Variants in LIMCH1 observed in about 807,000 individuals in gnomAD.
The protein encoded by LIMCH1 is LIM and calponin homology domains 1, also known as LIM and calponin homology domains-containing protein 1.
LIMCH1 carries 113 observed loss-of-function variants against 176.5 expected under a neutral mutation model. That is an observed-to-expected ratio of 0.64 (90% CI 0.55 to 0.75). The LOEUF (loss-of-function observed/expected upper bound fraction) is 0.75. Ranked by LOEUF, LIMCH1 falls within the 30% of genes least tolerant of loss-of-function variation. The probability of loss-of-function intolerance (pLI) is 0.00; values close to 1 mark genes in which losing one functional copy is unlikely to be tolerated. For synonymous variants in LIMCH1, 619 were observed against 645.9 expected (o/e 0.96, Z 0.63); for missense variants, 1,674 against 1,814.9 (o/e 0.92, Z 1.41).
chr4:41,664,037 C>A (rs1585552225), intron 20 of LIMCH1, among the ~76,000 whole-genome samples: 1 of 152,028 alleles, frequency 6.6e-6, no homozygotes, highest in East Asian at 1.9e-4. Context: ...TAGACCCCAT[C>A]TCAAAAACAA....
chr4:41,489,788 G>A (rs1227219961), intron 1 of LIMCH1, among the ~76,000 whole-genome samples: 2 of 151,788 alleles, frequency 1.3e-5, no homozygotes, highest in Non-Finnish European at 2.9e-5. Context: ...AACAATGCAA[G>A]GTTCAGAGCA....
intron 1 of LIMCH1, among the ~76,000 whole-genome samples, chr4:41,399,389 T>C (rs543365295): frequency 2.0e-4 from 31 of 152,190 alleles, no homozygotes; most frequent in Non-Finnish European, 4.4e-4. Context: ...CCTGAGGGAA[T>C]CTGGGAAGTA....
intron 7 of LIMCH1, among the ~76,000 whole-genome samples, chr4:41,623,317 CTTG>C (rs1344369307): frequency 1.4e-4 from 21 of 152,192 alleles, no homozygotes; most frequent in African/African-American, 5.1e-4. Flanking sequence ...AAGAGGACCA[CTTG>C]TTGTGGCCCA....
At chr4:41,450,383 G>T (rs1462058904) in intron 1 of LIMCH1, among the ~76,000 whole-genome samples, 1 of 152,114 alleles carries the variant, frequency 6.6e-6, no homozygotes, top group Non-Finnish European at 1.5e-5. Context: ...CATTAGGGAA[G>T]GTAAGAGAAT....
At chr4:41,470,117 CCTTA>C (rs1190618875) in intron 1 of LIMCH1, among the ~76,000 whole-genome samples, 1 of 152,180 alleles carries the variant, frequency 6.6e-6, no homozygotes, top group Non-Finnish European at 1.5e-5. Context: ...AATGGGCACC[CCTTA>C]CTTACCCACT....
At chr4:41,535,275 T>C (rs2077781593), upstream of LIMCH1, among the ~76,000 whole-genome samples, 1 of 152,076 alleles carries the variant, frequency 6.6e-6, no homozygotes, top group African/African-American at 2.4e-5. Flanking sequence ...CTTATACCCC[T>C]GATATTTCAT....
rs187561489 is a variant in LIMCH1, at chr4:41,449,646, C to A, written c.97-44890C>A. Among the ~76,000 whole-genome samples, 5 of 152,174 alleles carry A rather than the reference C, an allele frequency of 3.3e-5. No homozygotes were observed. The East Asian group carries it at 9.7e-4, about 29-fold the overall frequency. On this transcript the variant is annotated intron_variant, in intron 1 of 26. Transcript: ENST00000313860. The stretch of plus-strand genomic sequence containing the variant: ...TAGAATGTCGATGCCACTTTTTGGT[C>A]ATAGTTAAAAAAATCCAGAAAAATG...
rs180874766 is a variant in LIMCH1, at chr4:41,384,378, T to G, written c.96+23442T>G. ...TGCCACCACGCCGGGCTATTTTTTT[T>G]TTTTTATTTTTAGTAGAGACGGGGT... On this transcript the variant is annotated intron_variant, in intron 1 of 26. Transcript: ENST00000313860. Among the ~76,000 whole-genome samples the G allele has an allele frequency of 6.7e-4, 102 of 152,102 alleles. 1 individual carries two copies. The highest frequency in any genetic ancestry group is 2.4e-3 in the African/African-American group (99 of 41,486).
chr4:41,695,928 G>A (rs1730311587), intron 31 of LIMCH1, among the ~76,000 whole-genome samples: 1 of 152,072 alleles, frequency 6.6e-6, no homozygotes, highest in Admixed American at 6.6e-5. Context: ...AAAAAAAAAG[G>A]CTAAAAACCA....
intron 5 of LIMCH1, among the ~76,000 whole-genome samples, chr4:41,617,318 C>G (rs2152812042): frequency 6.6e-6 from 1 of 152,214 alleles, no homozygotes; most frequent in Non-Finnish European, 1.5e-5. Context: ...CTTTGGGAGT[C>G]AAGAGAACAG....
At chr4:41,679,937 TA>T (rs1714280635) in intron 23 of LIMCH1, 68 bp from the exon 24 acceptor site, 1 of 982,204 alleles carries the variant, frequency 1.0e-6, no homozygotes, top group Non-Finnish European at 1.6e-6. Flanking sequence ...CATGGTGGTT[TA>T]GGGGGGAAAA....
intron 1 of LIMCH1, among the ~76,000 whole-genome samples, chr4:41,479,841 A>G (rs2068296098): frequency 6.6e-6 from 1 of 152,154 alleles, no homozygotes; most frequent in Admixed American, 6.5e-5. Context: ...TTTAACCCAG[A>G]TAATGTGTAT....
At chr4:41,535,436 C>T (rs1468775618), upstream of LIMCH1, among the ~76,000 whole-genome samples, 1 of 152,108 alleles carries the variant, frequency 6.6e-6, no homozygotes, top group African/African-American at 2.4e-5. Context: ...TGTTCTAAGG[C>T]CTGTCTCCTT....
intron 2 of LIMCH1, among the ~76,000 whole-genome samples, chr4:41,504,324 G>T (rs2073858407): frequency 6.6e-6 from 1 of 152,148 alleles, no homozygotes; most frequent in South Asian, 2.1e-4. Flanking sequence ...CTTCCAGGAG[G>T]TCTAGGGGAG....
chr4:41,618,904 A>G (rs2092347026), intron 5 of LIMCH1, among the ~76,000 whole-genome samples: 1 of 152,168 alleles, frequency 6.6e-6, no homozygotes, highest in South Asian at 2.1e-4. Flanking sequence ...ATAAAATCCT[A>G]TTGCAGATGT....
At position 41,629,655 on chromosome 4, in the gene LIMCH1, C is replaced by A. The variant is rs972275021; in HGVS notation, c.1192C>A (p.Pro398Thr). The A allele has an allele frequency of 2.0e-5, 31 of 1,536,064 alleles. No individual in the cohort carries two copies. Among genetic ancestry groups the A allele is most frequent in the Middle Eastern group, 3.3e-4 (2 of 5,990 alleles). Residue 398 changes from proline (P) to threonine (T), a missense_variant, in exon 9 of 32, where the codon CCG becomes ACG. By Grantham distance (38) the Pro-to-Thr change is conservative. Around this residue, in one of 3 missense-constraint regions of LIMCH1, gnomAD observed 655 missense variants for 692.2 expected, o/e 0.95. Coordinates refer to ENST00000503057, the MANE Select transcript of LIMCH1 (RefSeq NM_001330672.2). Reference protein sequence around the residue: ...QGSLAPHREPPSFITLSNITE... With the variant: ...QGSLAPHREPTSFITLSNITE... The stretch of plus-strand genomic sequence containing the variant: ...CAGCCTTGCCCCTCACCGCGAGCCC[C>A]CGAGCTTCATTACGCTCTCCAACAT...
At chr4:41,685,542 A>C (rs987328096) in intron 27 of LIMCH1, among the ~76,000 whole-genome samples, 168 bp from the exon 28 acceptor site, 2 of 152,194 alleles carry the variant, frequency 1.3e-5, no homozygotes, top group Admixed American at 1.3e-4. Flanking sequence ...TCCAAAACTA[A>C]ATCATGATGC....
chr4:41,538,169 G>C lies in LIMCH1; in HGVS notation c.-422G>C. 1.0e-6 allele frequency: 1 copy of C among 985,558 alleles called. No individual in the cohort carries two copies. 61.1% of individuals were successfully genotyped at this position (985,558 alleles called of 1,614,324 possible). A position where few individuals can be genotyped will look rare whatever the true frequency, so the allele number is the denominator to read the frequency against. On this transcript the variant is annotated 5_prime_UTR_variant, in exon 1 of 32. Transcript: ENST00000503057. ...CTTTCACTGCATCAGCATTTCAGCC[G>C]CAGCAGCCTGCTTGTGGACAGAGCA...
intron 22 of LIMCH1, 46 bp from the exon 23 acceptor site, chr4:41,676,336 T>G: frequency 6.6e-7 from 1 of 1,520,108 alleles, no homozygotes; most frequent in Non-Finnish European, 9.1e-7. Context: ...GCCTGTCCCT[T>G]GAGGACATGG....
Sources: gnomAD v4.1 joint callset for allele counts (sites outside exome capture counted in the v4.1 genomes callset) on GRCh38, gnomAD v4.1.1 for gene constraint, gnomAD v4.1.1 regional missense constraint, MANE v1.5 for transcripts, NCBI Gene and HGNC (gene_info 2026-07-23, HGNC 2026-07-21) for gene names.